The following TMLHE variants were observed in gnomAD, a reference collection of about 807,000 sequenced individuals.
TMLHE encodes trimethyllysine dioxygenase, mitochondrial.
In TMLHE, 18 loss-of-function variants were observed where a neutral mutation model predicts 25.7. That is an observed-to-expected ratio of 0.70 (90% CI 0.48 to 1.04). The LOEUF (loss-of-function observed/expected upper bound fraction) is 1.04, where lower values mean the gene tolerates loss of function less well. TMLHE is among the 50% of genes least tolerant of loss of function. The pLI is 0.00. For synonymous variants in TMLHE, 105 were observed against 97.0 expected, an observed-to-expected ratio of 1.08 and a Z score of -0.49; for missense variants, 236 against 259.0, an observed-to-expected ratio of 0.91 and a Z score of 0.61.
rs782755924 is a variant in TMLHE, at chrX:155,553,886, G to A, written c.-1-8609C>T. Among the ~76,000 whole-genome samples the A allele has an allele frequency of 2.8e-4, 31 of 110,261 alleles. 1 individual carries two copies. Among genetic ancestry groups the A allele is most frequent in the African/African-American group, 9.6e-4 (29 of 30,179 alleles). On this transcript the variant is annotated intron_variant, in intron 1 of 7. Coordinates refer to ENST00000334398, the MANE Select transcript of TMLHE (RefSeq NM_018196.4). ...ATATTAAAGTGTAGCACAAATTAGA[G>A]GGTTTATGTTAACTCCATTTATCTT...
chrX:155,540,691 C>T (rs2124402314), intron 2 of TMLHE, among the ~76,000 whole-genome samples: 1 of 111,379 alleles, frequency 9.0e-6, no homozygotes, highest in African/African-American at 3.3e-5. Flanking sequence ...ACAAAAGTAA[C>T]AAATAATTAT....
intron 1 of TMLHE, among the ~76,000 whole-genome samples, chrX:155,548,598 G>A (rs1339549509): frequency 9.2e-6 from 1 of 108,662 alleles, no homozygotes; most frequent in Non-Finnish European, 1.9e-5. Flanking sequence ...AGCCGGGTGT[G>A]GTGGCACACA....
chrX:155,514,075 G>A lies in TMLHE; in HGVS notation c.549C>T (p.Asn183=), dbSNP rs1557334314. ...TNEGLKKFLQ[N]FLLYGIAFVE... The stretch of plus-strand genomic sequence containing the variant: ...CGAATGCAATTCCATAGAGCAGAAA[G>A]TTTTGCAGAAACTTCTTCAGTCCCT... Residue 183 remains asparagine (N), a synonymous_variant, in exon 4 of 8, where the codon AAC becomes AAT. Coordinates refer to ENST00000334398, the MANE Select transcript of TMLHE (RefSeq NM_018196.4). 2.5e-6 allele frequency: 3 copies of A among 1,211,239 alleles called. No homozygotes were observed. Among genetic ancestry groups the A allele is most frequent in the Non-Finnish European group, 3.4e-6 (3 of 895,154 alleles).
intron 1 of TMLHE, among the ~76,000 whole-genome samples, chrX:155,588,277 T>C (rs2067676226): frequency 8.9e-6 from 1 of 111,976 alleles, no homozygotes; most frequent in Admixed American, 9.4e-5. Flanking sequence ...AATAGATGAT[T>C]CTGAGAAAAT....
intron 1 of TMLHE, among the ~76,000 whole-genome samples, chrX:155,556,014 TAA>T (rs1164155719): frequency 9.0e-6 from 1 of 111,013 alleles, no homozygotes; most frequent in Non-Finnish European, 1.9e-5. Flanking sequence ...GTCTAACATT[TAA>T]GTCTTTAATC....
chrX:155,522,344 T>C (rs1260577634), intron 3 of TMLHE, among the ~76,000 whole-genome samples: 1 of 111,973 alleles, frequency 8.9e-6, no homozygotes, highest in Non-Finnish European at 1.9e-5. Flanking sequence ...ACTTGTTATA[T>C]AACCACACTA....
intron 1 of TMLHE, among the ~76,000 whole-genome samples, chrX:155,545,594 C>T (rs1240656666): frequency 8.9e-6 from 1 of 112,072 alleles, no homozygotes; most frequent in Non-Finnish European, 1.9e-5. Context: ...ACATTTCTGT[C>T]AGTAACAGAC....
chrX:155,559,567 A>G (rs1210512952), intron 1 of TMLHE, among the ~76,000 whole-genome samples: 1 of 111,859 alleles, frequency 8.9e-6, no homozygotes, highest in African/African-American at 3.2e-5. Context: ...AATAACAGAA[A>G]CTTTTGGAGA....
intron 3 of TMLHE, among the ~76,000 whole-genome samples, chrX:155,522,776 G>C (rs2067196303): frequency 8.9e-6 from 1 of 111,997 alleles, no homozygotes; most frequent in Admixed American, 9.4e-5. Context: ...TAACCCATTG[G>C]GTAGTTTCCA....
At chrX:155,537,317 T>C (rs1464026541) in intron 2 of TMLHE, among the ~76,000 whole-genome samples, 1 of 111,404 alleles carries the variant, frequency 9.0e-6, no homozygotes, top group African/African-American at 3.3e-5. Context: ...CCCAAGCTTC[T>C]TTGAAGATCA....
chrX:155,513,255 C>G (rs1424576160), intron 4 of TMLHE, among the ~76,000 whole-genome samples: 1 of 111,369 alleles, frequency 9.0e-6, no homozygotes. Context: ...GAAGATCAAT[C>G]TATATACCAC....
chrX:155,510,617 T>C, intron 5 of TMLHE, among the ~76,000 whole-genome samples: 1 of 109,823 alleles, frequency 9.1e-6, no homozygotes, highest in Non-Finnish European at 1.9e-5. Flanking sequence ...CCATGGTGTA[T>C]ATGTGCCACA....
intron 4 of TMLHE, among the ~76,000 whole-genome samples, chrX:155,512,311 TC>T (rs1411327914): frequency 1.5e-4 from 12 of 81,018 alleles, no homozygotes; most frequent in East Asian, 3.7e-4. Context: ...ATGCTATCCC[TC>T]CCCCCTTCCC....
At chrX:155,606,801 A>C (rs2067789527) in intron 1 of TMLHE, among the ~76,000 whole-genome samples, 1 of 106,616 alleles carries the variant, frequency 9.4e-6, no homozygotes, top group Non-Finnish European at 1.9e-5. Flanking sequence ...CAGAAATACA[A>C]AAAAAAAAAA....
At chrX:155,533,149 GT>G (rs1557337252) in intron 2 of TMLHE, among the ~76,000 whole-genome samples, 2 of 111,442 alleles carry the variant, frequency 1.8e-5, no homozygotes, top group African/African-American at 6.5e-5. Context: ...GTCTTTTCCT[GT>G]TCTTGGACTG....
chrX:155,567,139 G>A (rs1333483892), intron 1 of TMLHE, among the ~76,000 whole-genome samples: 1 of 62,468 alleles, frequency 1.6e-5, no homozygotes, highest in African/African-American at 3.6e-5. Context: ...ATTGGTTGCA[G>A]AATAATCAGA....
intron 3 of TMLHE, among the ~76,000 whole-genome samples, chrX:155,518,530 T>C (rs6642275): frequency 4.0e-5 from 4 of 99,857 alleles, no homozygotes; most frequent in East Asian, 6.6e-4. Context: ...TGATGCTGGC[T>C]TCATAAAATG....
At chrX:155,512,914 C>A (rs1557333967) in intron 4 of TMLHE, among the ~76,000 whole-genome samples, 1 of 111,943 alleles carries the variant, frequency 8.9e-6, no homozygotes, top group South Asian at 3.7e-4. Flanking sequence ...CGGCTCAAAT[C>A]TGACTAAAGG....
At chrX:155,538,916 T>C (rs937215436) in intron 2 of TMLHE, among the ~76,000 whole-genome samples, 1 of 111,081 alleles carries the variant, frequency 9.0e-6, no homozygotes, top group Non-Finnish European at 1.9e-5. Context: ...AGGAGTGCCA[T>C]CAGCAAGATG....
Sources: gnomAD v4.1 joint callset for allele counts (sites outside exome capture counted in the v4.1 genomes callset) on GRCh38, gnomAD v4.1.1 for gene constraint, MANE v1.5 for transcripts, NCBI Gene and HGNC (gene_info 2026-07-23, HGNC 2026-07-21) for gene names.